CTNNA3: variants seen among roughly 807,000 people sequenced by gnomAD.
CTNNA3 encodes the protein catenin alpha 3, also known as catenin alpha-3.
CTNNA3 carries 76 observed loss-of-function variants against 95.7 expected under a neutral mutation model. The ratio of observed to expected loss-of-function variants is 0.79; its 90% CI spans 0.66 to 0.96. The LOEUF is 0.96. CTNNA3 is among the 40% of genes least tolerant of loss of function. CTNNA3 has a pLI of 0.00. For missense variants in CTNNA3, 1,191 were observed against 1,089.8 expected (o/e 1.09, Z -1.31); for synonymous variants, 431 against 374.4 (o/e 1.15, Z -1.74).
intron 11 of CTNNA3, among the ~76,000 whole-genome samples, chr10:66,516,778 A>G (rs187426424): frequency 1.1e-3 from 165 of 152,318 alleles, no homozygotes; most frequent in African/African-American, 3.8e-3. Context: ...GATGAAAATC[A>G]TCTGGGAAAG....
At chr10:67,740,752 A>C (rs1015295061) in intron 1 of CTNNA3, among the ~76,000 whole-genome samples, 1 of 151,464 alleles carries the variant, frequency 6.6e-6, no homozygotes, top group South Asian at 2.1e-4. Context: ...ACAGTGTGGC[A>C]ATTCCTCAGG....
chr10:67,240,445 A>G (rs1174107361), intron 5 of CTNNA3, among the ~76,000 whole-genome samples: 1 of 152,200 alleles, frequency 6.6e-6, no homozygotes, highest in African/African-American at 2.4e-5. Flanking sequence ...TAAGATGGTG[A>G]AACAACAGTA....
chr10:67,299,547 G>T (rs922347349), intron 5 of CTNNA3, among the ~76,000 whole-genome samples: 1 of 152,128 alleles, frequency 6.6e-6, no homozygotes, highest in Non-Finnish European at 1.5e-5. Flanking sequence ...CTGGTAGAAG[G>T]CTGTAGGATT....
chr10:66,640,933 G>A (rs1183430245), intron 9 of CTNNA3, among the ~76,000 whole-genome samples: 1 of 152,070 alleles, frequency 6.6e-6, no homozygotes, highest in Non-Finnish European at 1.5e-5. Flanking sequence ...ATGAACGCAT[G>A]CTAGCAATCA....
At chr10:67,659,267 T>G (rs1385976055) in intron 1 of CTNNA3, among the ~76,000 whole-genome samples, 1 of 152,236 alleles carries the variant, frequency 6.6e-6, no homozygotes, top group East Asian at 1.9e-4. Context: ...ATTCAATTTC[T>G]GACTTACCTG....
chr10:66,938,112 C>G (rs1847812590), intron 7 of CTNNA3, among the ~76,000 whole-genome samples: 1 of 152,158 alleles, frequency 6.6e-6, no homozygotes, highest in South Asian at 2.1e-4. Context: ...AACATTTCAA[C>G]TCTATGGAAA....
intron 17 of CTNNA3, among the ~76,000 whole-genome samples, chr10:65,945,020 C>G (rs932961723): frequency 5.9e-5 from 9 of 151,992 alleles, no homozygotes; most frequent in African/African-American, 2.2e-4. Flanking sequence ...AGCAAGTTAG[C>G]TATTCTAATA....
At chr10:67,197,138 T>C (rs1347587945) in intron 6 of CTNNA3, among the ~76,000 whole-genome samples, 2 of 152,130 alleles carry the variant, frequency 1.3e-5, no homozygotes, top group African/African-American at 4.8e-5. Context: ...ACCTTCTATG[T>C]CCATGAGGCT....
chr10:66,668,957 G>T (rs1188705309), intron 9 of CTNNA3, among the ~76,000 whole-genome samples: 1 of 151,942 alleles, frequency 6.6e-6, no homozygotes, highest in Non-Finnish European at 1.5e-5. Context: ...TTATCTAAAT[G>T]AGCCATTTGT....
intron 5 of CTNNA3, among the ~76,000 whole-genome samples, chr10:67,310,398 C>A (rs72806632): frequency 0.044 from 6,743 of 152,054 alleles, 154 homozygotes; most frequent in South Asian, 0.097. Context: ...CACACACACA[C>A]AAAAAAACTT....
rs574615126 is a variant in CTNNA3, at chr10:67,119,096, A to G, written c.1047+61221T>C. Among the ~76,000 whole-genome samples the G allele has an allele frequency of 1.2e-3, 181 of 152,068 alleles. 1 individual carries two copies. The highest frequency in any genetic ancestry group is 3.9e-3 in the African/African-American group (162 of 41,546). ...AAGCCAAATACTAATGAAAACATCA[A>G]TGTGTGTTCATATTAGCTCTACAAA... On this transcript the variant is annotated intron_variant, in intron 7 of 17. Coordinates refer to ENST00000433211, the MANE Select transcript of CTNNA3 (RefSeq NM_013266.4).
intron 11 of CTNNA3, among the ~76,000 whole-genome samples, chr10:66,500,000 A>C (rs968450340): frequency 6.6e-6 from 1 of 151,838 alleles, no homozygotes; most frequent in Non-Finnish European, 1.5e-5. Flanking sequence ...ATGGGGTTTC[A>C]CCATGTTGGC....
intron 15 of CTNNA3, among the ~76,000 whole-genome samples, chr10:66,022,549 C>T (rs2079240988): frequency 6.6e-6 from 1 of 151,816 alleles, no homozygotes; most frequent in Non-Finnish European, 1.5e-5. Context: ...CTGCATGTGT[C>T]CTATATACAC....
chr10:66,196,951 A>G (rs934970338), intron 13 of CTNNA3, among the ~76,000 whole-genome samples: 2 of 152,166 alleles, frequency 1.3e-5, no homozygotes, highest in African/African-American at 4.8e-5. Flanking sequence ...CATGAATTGA[A>G]CCTGGTATGT....
chr10:66,986,133 T>G (rs1204475441), intron 7 of CTNNA3, among the ~76,000 whole-genome samples: 1 of 152,202 alleles, frequency 6.6e-6, no homozygotes, highest in Non-Finnish European at 1.5e-5. Flanking sequence ...GCCTGTCTGG[T>G]TAATCAGTAT....
chr10:66,772,858 G>C (rs1840150225), intron 8 of CTNNA3, among the ~76,000 whole-genome samples: 1 of 152,102 alleles, frequency 6.6e-6, no homozygotes, highest in Admixed American at 6.6e-5. Context: ...GCAGGAAGAT[G>C]GGCTCTGCTT....
chr10:67,484,120 CA>C (rs1848354468), intron 5 of CTNNA3, among the ~76,000 whole-genome samples: 1 of 152,100 alleles, frequency 6.6e-6, no homozygotes, highest in Admixed American at 6.6e-5. Flanking sequence ...GGTATTTGTA[CA>C]AAAACAGTCA....
chr10:67,476,095 T>C (rs1292797860), intron 5 of CTNNA3, among the ~76,000 whole-genome samples: 1 of 152,240 alleles, frequency 6.6e-6, no homozygotes, highest in Admixed American at 6.5e-5. Context: ...ATGTCACATT[T>C]GCTACACAAA....
At chr10:66,415,849 T>C (rs2093141737) in intron 11 of CTNNA3, among the ~76,000 whole-genome samples, 2 of 152,084 alleles carry the variant, frequency 1.3e-5, no homozygotes, top group Admixed American at 6.6e-5. Flanking sequence ...AAAAAGTCCT[T>C]CCCTGTGAAA....
Sources: gnomAD v4.1 joint callset for allele counts (sites outside exome capture counted in the v4.1 genomes callset) on GRCh38, gnomAD v4.1.1 for gene constraint, MANE v1.5 for transcripts, NCBI Gene and HGNC (gene_info 2026-07-23, HGNC 2026-07-21) for gene names.